DPRX: variants seen among roughly 807,000 people sequenced by gnomAD.
The protein encoded by DPRX is divergent-paired related homeobox, also known as divergent paired-related homeobox.
A neutral mutation model predicts 8.4 loss-of-function variants in DPRX; 11 were observed. That is an observed-to-expected ratio of 1.31 (90% CI 0.82 to 2.17). The LOEUF (loss-of-function observed/expected upper bound fraction) is 2.17. Among genes scored for constraint, DPRX ranks in the 30% most tolerant of loss-of-function variants. The pLI is 0.00. For synonymous variants in DPRX, 72 were observed against 87.0 expected (o/e 0.83, Z 0.96); for missense variants, 211 against 236.7 (o/e 0.89, Z 0.71).
At chr19:53,632,446 A>ACCAT (rs1568584282) in intron 1 of DPRX, among the ~76,000 whole-genome samples, 1 of 146,652 alleles carries the variant, frequency 6.8e-6, no homozygotes, top group African/African-American at 2.5e-5. Context: ...GATGACAGGC[A>ACCAT]CACGCCACCA....
chr19:53,632,034 A>G, upstream of DPRX: 1 of 1,602,546 alleles, frequency 6.2e-7, no homozygotes, highest in Non-Finnish European at 8.5e-7. Flanking sequence ...GGAGGAAGCT[A>G]CTTAAATCCG....
chr19:53,627,429 TTC>T (rs1340384903), upstream of DPRX, among the ~76,000 whole-genome samples: 2 of 80,000 alleles, frequency 2.5e-5, no homozygotes. Context: ...ATGTTTTTCT[TTC>T]TTTCTTTCTT....
chr19:53,608,203 A>T, the DPRX span: 28 of 148,604 alleles, frequency 1.9e-4, no homozygotes, highest in East Asian at 1.4e-3. Context: ...AATAAATAAA[A>T]ATAAATAAAA....
At chr19:53,622,337 AAGAG>A in the DPRX span, among the ~76,000 whole-genome samples, 1 of 150,532 alleles carries the variant, frequency 6.6e-6, no homozygotes, top group African/African-American at 2.4e-5. Flanking sequence ...ATATTTAGTT[AAGAG>A]AGAGAGAGAG....
the DPRX span, among the ~76,000 whole-genome samples, chr19:53,619,455 A>T: frequency 6.6e-6 from 1 of 152,042 alleles, no homozygotes; most frequent in South Asian, 2.1e-4. Context: ...CGGGCGGATC[A>T]CCTGAGGTTG....
chr19:53,635,150 G>T (rs2091107532), intron 2 of DPRX, among the ~76,000 whole-genome samples: 1 of 152,000 alleles, frequency 6.6e-6, no homozygotes, highest in South Asian at 2.1e-4. Context: ...CCAAAGTGTT[G>T]GGATTACAAG....
chr19:53,608,196 AAAT>A, the DPRX span: 1 of 149,128 alleles, frequency 6.7e-6, no homozygotes, highest in Non-Finnish European at 1.5e-5. Context: ...ATAAATAAAT[AAAT>A]AAAAATAAAT....
chr19:53,613,488 C>T, the DPRX span, among the ~76,000 whole-genome samples: 80 of 151,562 alleles, frequency 5.3e-4, no homozygotes, highest in African/African-American at 1.8e-3. Flanking sequence ...TCTGGAATTA[C>T]GGGTGCGTGC....
chr19:53,605,483 T>C, the DPRX span, among the ~76,000 whole-genome samples: 1 of 151,606 alleles, frequency 6.6e-6, no homozygotes. Context: ...GCCAACTAAT[T>C]GTTAAAAATT....
chr19:53,629,131 T>C (rs941374952), upstream of DPRX, among the ~76,000 whole-genome samples: 1 of 150,748 alleles, frequency 6.6e-6, no homozygotes, highest in East Asian at 2.1e-4. Flanking sequence ...CTGGCCAACA[T>C]GGTGAAACCA....
chr19:53,620,391 C>A, the DPRX span, among the ~76,000 whole-genome samples: 1 of 150,870 alleles, frequency 6.6e-6, no homozygotes, highest in African/African-American at 2.4e-5. Flanking sequence ...TAGACAGGGT[C>A]TTCCTCTGTC....
chr19:53,620,517 T>C, the DPRX span, among the ~76,000 whole-genome samples: 1 of 151,814 alleles, frequency 6.6e-6, no homozygotes, highest in Non-Finnish European at 1.5e-5. Context: ...CATGCGTCAC[T>C]ATGCCCGGCT....
exon 2 of DPRX, chr19:53,634,640 G>A (rs2091105527): frequency 6.2e-7 from 1 of 1,614,040 alleles, no homozygotes; most frequent in East Asian, 2.2e-5. Flanking sequence ...CCAGCCTTCA[G>A]AAAGAAATGG....
the DPRX span, among the ~76,000 whole-genome samples, chr19:53,621,740 C>T: frequency 6.6e-6 from 1 of 151,732 alleles, no homozygotes; most frequent in Non-Finnish European, 1.5e-5. Flanking sequence ...GTCAAGATCA[C>T]GCCACTGCAC....
the DPRX span, among the ~76,000 whole-genome samples, chr19:53,610,151 C>CAAAAAAAAAAAA: frequency 1.3e-5 from 1 of 77,734 alleles, no homozygotes; most frequent in Non-Finnish European, 2.2e-5. Flanking sequence ...AACTGTGTCT[C>CAAAAAAAAAAAA]AAAAAAAAAA....
At chr19:53,603,665 T>G in the DPRX span, 3 of 180,766 alleles carry the variant, frequency 1.7e-5, no homozygotes, top group Non-Finnish European at 3.6e-5. Context: ...CCGTATCCAC[T>G]ACAGTCCAAA....
At chr19:53,616,698 G>A in the DPRX span, 1 of 957,372 alleles carries the variant, frequency 1.0e-6, no homozygotes, top group Non-Finnish European at 1.5e-6. Context: ...AGGTTGCAAT[G>A]AGCCAAGATC....
At chr19:53,634,552 A>G in exon 2 of DPRX, 1 of 1,613,624 alleles carries the variant, frequency 6.2e-7, no homozygotes, top group Non-Finnish European at 8.5e-7. Context: ...ATGCATTCAC[A>G]CAGGAAACGA....
At chr19:53,627,136 C>T (rs2091074429), upstream of DPRX, among the ~76,000 whole-genome samples, 1 of 152,174 alleles carries the variant, frequency 6.6e-6, no homozygotes, top group South Asian at 2.1e-4. Context: ...TACTTAGACT[C>T]CACCCGCAGA....
Sources: allele counts gnomAD v4.1 joint callset (sites outside exome capture counted in the v4.1 genomes callset), GRCh38; gene constraint gnomAD v4.1.1; transcripts MANE v1.5; gene names NCBI Gene and HGNC (gene_info 2026-07-23, HGNC 2026-07-21).